Variants in INTS7 observed in about 807,000 individuals in gnomAD.
INTS7 encodes chromosome 1 open reading frame 73.
INTS7 carries 46 observed loss-of-function variants against 109.2 expected under a neutral mutation model. The ratio of observed to expected loss-of-function variants is 0.42; its 90% CI spans 0.33 to 0.54. The LOEUF is 0.54. Among genes scored for constraint, INTS7 ranks in the 20% least tolerant of loss-of-function variants. The pLI is 0.07. For missense variants in INTS7, 929 were observed against 1,132.4 expected (o/e 0.82, Z 2.58); for synonymous variants, 412 against 402.9 (o/e 1.02, Z -0.27).
At position 211,944,853 on chromosome 1, in the gene INTS7, G is replaced by A. The variant is rs902646885; in HGVS notation, c.2532C>T (p.Phe844=). The A allele has an allele frequency of 6.2e-7, 1 of 1,614,046 alleles. No individual in the cohort carries two copies. Among genetic ancestry groups the A allele is most frequent in the Non-Finnish European group, 8.5e-7 (1 of 1,179,994 alleles). ...TCAGACAGACAGACTGAATTTTGCG[G>A]AAGAGTCCTGGTTTAGATCCGTGCT... ...VVQHGSKPGL[F]RKIQSVCLNV... is the part of the protein sequence containing the mutation. Residue 844 remains phenylalanine, a synonymous_variant, in exon 19 of 20, where the codon TTC becomes TTT. Coordinates refer to ENST00000366994, the MANE Select transcript of INTS7 (RefSeq NM_015434.4).
chr1:211,982,728 T>C lies in INTS7; in HGVS notation c.1080A>G (p.Ala360=). The C allele has an allele frequency of 1.2e-6, 2 of 1,612,392 alleles. No homozygotes were observed. Among genetic ancestry groups the C allele is most frequent in the Non-Finnish European group, 8.5e-7 (1 of 1,178,768 alleles). ...TAGTTAGGACTCTAACTCCATGAGC[T>C]GCAATGCCCCTGTTATTATGGTAAC... is the stretch of plus-strand genomic sequence containing the variant. The part of the protein sequence containing the change: ...ECCYHNNRGI[A]AHGVRVLTNI... Residue 360 remains alanine, a synonymous_variant, in exon 9 of 20, where the codon GCA becomes GCG. Transcript: ENST00000366994.
At chr1:211,971,377 G>A (rs55824981) in intron 13 of INTS7, among the ~76,000 whole-genome samples, 1 of 152,122 alleles carries the variant, frequency 6.6e-6, no homozygotes, top group African/African-American at 2.4e-5. Flanking sequence ...CAAGAAACTG[G>A]AGAAATCAAA....
At chr1:212,002,152 CCTTT>C (rs1322672383) in intron 7 of INTS7, among the ~76,000 whole-genome samples, 3 of 152,160 alleles carry the variant, frequency 2.0e-5, no homozygotes, top group African/African-American at 7.2e-5. Context: ...CTTAGAGCCA[CCTTT>C]CTTTCTCTAC....
intron 16 of INTS7, among the ~76,000 whole-genome samples, chr1:211,963,809 C>T (rs974002759): frequency 2.8e-5 from 4 of 143,802 alleles, no homozygotes; most frequent in African/African-American, 1.1e-4. Context: ...AAAAAAAAAA[C>T]TCTGAATAAA....
At chr1:211,997,889 A>T (rs891120157) in intron 7 of INTS7, among the ~76,000 whole-genome samples, 2 of 152,092 alleles carry the variant, frequency 1.3e-5, no homozygotes, top group African/African-American at 4.8e-5. Context: ...AAAAAAAAAA[A>T]AAAACCACAA....
intron 17 of INTS7, among the ~76,000 whole-genome samples, chr1:211,951,456 C>T (rs745524926): frequency 2.6e-5 from 4 of 152,104 alleles, no homozygotes; most frequent in Admixed American, 6.5e-5. Flanking sequence ...TACAGGCATG[C>T]GCCACCATGC....
chr1:212,008,810 A>G (rs1666045333), intron 5 of INTS7, among the ~76,000 whole-genome samples: 1 of 152,198 alleles, frequency 6.6e-6, no homozygotes, highest in South Asian at 2.1e-4. Context: ...TCCCATTTCC[A>G]AATGTATTAG....
rs1187744572 is a variant in INTS7 at position 212,007,443 on chromosome 1, G to T, written c.563C>A (p.Ala188Glu). The change falls in exon 6 of 20, where the codon GCG (alanine) becomes GAG (glutamate). Residue 188 changes from alanine (A) to glutamate (E), a missense_variant. Coordinates refer to ENST00000366994, the MANE Select transcript of INTS7 (RefSeq NM_015434.4). ...TTTTAGCTTCAAGTCTACTGGTGTC[G>T]CTAAACCTAGACACAAAAATAATTC... ...NKISEMIQGL[A>E]TPVDLKLKLI... The T allele has an allele frequency of 6.2e-7, 1 of 1,608,496 alleles. No homozygotes were observed.
Position 211,987,968 on chromosome 1 carries a change from G to A in INTS7, c.915C>T (p.Asp305=). Residue 305 remains aspartate (D), a synonymous_variant, in exon 8 of 20, where the codon GAC becomes GAT. Coordinates refer to ENST00000366994, the MANE Select transcript of INTS7 (RefSeq NM_015434.4). The part of the protein sequence containing the change: ...LCECALQTPY[D]SLKLGMLSVL... Reference sequence around the variant, plus strand: ...CAGACAACATCCCTAGTTTTAAGCTGTCATAAGGAGTCTGGAGGGCACACT... The same window carrying A: ...CAGACAACATCCCTAGTTTTAAGCTATCATAAGGAGTCTGGAGGGCACACT... 1 of 1,611,360 alleles carries A rather than the reference G, an allele frequency of 6.2e-7. No homozygotes were observed. Among genetic ancestry groups the A allele is most frequent in the Middle Eastern group, 1.7e-4 (1 of 6,050 alleles).
At chr1:211,974,156 T>C (rs1312661269) in intron 13 of INTS7, among the ~76,000 whole-genome samples, 1 of 151,640 alleles carries the variant, frequency 6.6e-6, no homozygotes, top group Non-Finnish European at 1.5e-5. Context: ...AATTTTCTGC[T>C]CCACATAAAC....
intron 5 of INTS7, among the ~76,000 whole-genome samples, chr1:212,007,758 T>C (rs999694787): frequency 6.6e-6 from 1 of 152,174 alleles, no homozygotes; most frequent in Non-Finnish European, 1.5e-5. Context: ...GTAAAAAAAT[T>C]ATACATACAC....
intron 8 of INTS7, among the ~76,000 whole-genome samples, chr1:211,983,816 G>C (rs970491726): frequency 6.6e-6 from 1 of 151,556 alleles, no homozygotes; most frequent in African/African-American, 2.4e-5. Context: ...GTTTAAGAGA[G>C]AGCCTCAGTG....
chr1:211,960,625 T>TA (rs1663579887), intron 16 of INTS7, among the ~76,000 whole-genome samples: 1 of 152,124 alleles, frequency 6.6e-6, no homozygotes, highest in Non-Finnish European at 1.5e-5. Context: ...ACCAACTTGA[T>TA]AGAGTAGAAA....
intron 16 of INTS7, among the ~76,000 whole-genome samples, chr1:211,957,684 T>C (rs1293956174): frequency 1.3e-5 from 2 of 152,352 alleles, no homozygotes; most frequent in East Asian, 1.9e-4. Flanking sequence ...TTAAATGACA[T>C]CTTAACAAAA....
intron 1 of INTS7, among the ~76,000 whole-genome samples, chr1:212,029,880 A>G (rs1571923000): frequency 6.6e-6 from 1 of 152,216 alleles, no homozygotes; most frequent in East Asian, 1.9e-4. Context: ...TTGATGGCAA[A>G]GCCCATTTTT....
intron 8 of INTS7, among the ~76,000 whole-genome samples, chr1:211,983,771 G>A (rs1449458195): frequency 6.6e-6 from 1 of 152,126 alleles, no homozygotes; most frequent in Non-Finnish European, 1.5e-5. Flanking sequence ...GGGACCTATG[G>A]TCACTTTGTT....
At chr1:211,975,453 G>T in intron 12 of INTS7, 81 bp from the exon 13 acceptor site, 1 of 1,044,688 alleles carries the variant, frequency 9.6e-7, no homozygotes, top group Non-Finnish European at 1.4e-6. Flanking sequence ...TGATGCAGCA[G>T]CTAAAAGAGA....
intron 1 of INTS7, among the ~76,000 whole-genome samples, chr1:212,034,066 G>C (rs1199754482): frequency 6.6e-6 from 1 of 151,822 alleles, no homozygotes; most frequent in African/African-American, 2.4e-5. Context: ...CTGGGCAACA[G>C]AGCAACACTC....
rs1167755789 is a variant in INTS7 at position 212,020,240 on chromosome 1, T to C, written c.253A>G (p.Lys85Glu). 1 of 1,599,406 alleles carries C rather than the reference T, an allele frequency of 6.3e-7. No homozygotes were observed. Among genetic ancestry groups the C allele is most frequent in the East Asian group, 2.2e-5 (1 of 44,724 alleles). The change falls in exon 3 of 20, where the codon AAA (lysine) becomes GAA (glutamate). Residue 85 changes from lysine (K) to glutamate (E), a missense_variant. Physicochemically the swap from Lys to Glu is moderately conservative, Grantham distance 56. This residue lies in a region of INTS7 where 142 missense variants were observed against 231.4 expected (regional missense o/e 0.61). Coordinates refer to ENST00000366994, the MANE Select transcript of INTS7 (RefSeq NM_015434.4). ...TGTTTCTCACTTTGTTGGGTAACTT[T>C]AAGAACACATAGCCTCAGGAAATTA... is the stretch of plus-strand genomic sequence containing the variant. ...GNNFLRLCVL[K>E]VTQQSEKHLE... is the part of the protein sequence containing the mutation.
Sources: gnomAD v4.1 joint callset for allele counts (sites outside exome capture counted in the v4.1 genomes callset) on GRCh38, gnomAD v4.1.1 for gene constraint, gnomAD v4.1.1 regional missense constraint, MANE v1.5 for transcripts, NCBI Gene and HGNC (gene_info 2026-07-23, HGNC 2026-07-21) for gene names.